Variants in NELL1 observed in about 807,000 individuals in gnomAD.
NELL1 encodes the protein protein kinase C-binding protein NELL1.
NELL1 carries 76 observed loss-of-function variants against 107.4 expected under a neutral mutation model. The observed-to-expected ratio is 0.71, with a 90% CI of 0.59 to 0.86. NELL1 has a LOEUF of 0.86. Ranked by LOEUF, NELL1 falls within the 40% of genes least tolerant of loss-of-function variation. The pLI is 0.00. For missense variants in NELL1, 1,024 were observed against 1,005.5 expected (o/e 1.02, Z -0.25); for synonymous variants, 353 against 341.2 (o/e 1.03, Z -0.38).
rs201849216 is a variant in NELL1, at chr11:21,507,790, T to TTC, written c.1646-26583_1646-26582insCT. Among the ~76,000 whole-genome samples the TTC allele has an allele frequency of 5.3e-3, 797 of 151,170 alleles. 6 individuals are homozygous for TTC. The highest frequency in any genetic ancestry group is 0.018 in the African/African-American group (760 of 41,204). ...CAAAAGTTTTTTCTTTTCTTTTCTT[T>TTC]TTTTTTTTTGAGACGGAGTCTCACT... is the stretch of plus-strand genomic sequence containing the variant. On this transcript the variant is annotated intron_variant, in intron 15 of 19. Transcript: ENST00000357134.
intron 12 of NELL1, among the ~76,000 whole-genome samples, chr11:21,012,765 G>T (rs1443104138): frequency 6.6e-6 from 1 of 152,086 alleles, no homozygotes; most frequent in Non-Finnish European, 1.5e-5. Context: ...TACAGAGTCA[G>T]TTCCTGGGTA....
intron 13 of NELL1, among the ~76,000 whole-genome samples, chr11:21,206,045 A>T (rs537688365): frequency 1.2e-4 from 18 of 152,306 alleles, no homozygotes; most frequent in African/African-American, 4.3e-4. Context: ...AAATTATACA[A>T]AAATTTGATT....
Position 21,560,248 on chromosome 11 carries a change from C to G in NELL1, c.1846C>G (p.Leu616Val), listed in dbSNP as rs750429244. The change falls in exon 17 of 20, where the codon CTG (leucine) becomes GTG (valine). Residue 616 changes from leucine to valine, a missense_variant. By Grantham distance (32) the Leu-to-Val change is conservative (BLOSUM62 1). Transcript: ENST00000357134. ...TCWNDSACIN[L>V]AGGFDCLCPS... ...TTGGAACGATTCTGCCTGCATCAAC[C>G]TGGCAGGGGGCTTTGACTGTCTCTG... The G allele has an allele frequency of 2.5e-6, 4 of 1,613,578 alleles. No individual in the cohort carries two copies. The African/African-American group carries it at 4.0e-5, about 16-fold the overall frequency.
At chr11:21,545,171 A>G (rs568383780) in intron 16 of NELL1, among the ~76,000 whole-genome samples, 29 of 152,072 alleles carry the variant, frequency 1.9e-4, no homozygotes, top group African/African-American at 6.3e-4. Flanking sequence ...TTTTACACAG[A>G]TATTTTGTCT....
chr11:21,450,962 G>C (rs1477203378), intron 15 of NELL1, among the ~76,000 whole-genome samples: 1 of 151,942 alleles, frequency 6.6e-6, no homozygotes, highest in East Asian at 1.9e-4. Context: ...AGGCCGAGGC[G>C]GGCGGATCAT....
At chr11:21,086,111 G>A (rs534569163) in intron 12 of NELL1, among the ~76,000 whole-genome samples, 7 of 152,294 alleles carry the variant, frequency 4.6e-5, no homozygotes, top group Non-Finnish European at 7.4e-5. Context: ...TAAATTCCAC[G>A]TATGACAGGT....
intron 12 of NELL1, among the ~76,000 whole-genome samples, chr11:20,970,089 ATCCATCCG>A (rs1458357743): frequency 6.7e-6 from 1 of 149,302 alleles, no homozygotes; most frequent in Non-Finnish European, 1.5e-5. Context: ...CCATCCATCC[ATCCATCCG>A]TACTCTGAAC....
At chr11:21,299,250 A>T (rs1849440021) in intron 14 of NELL1, among the ~76,000 whole-genome samples, 1 of 151,978 alleles carries the variant, frequency 6.6e-6, no homozygotes, top group South Asian at 2.1e-4. Flanking sequence ...CAGCATTTTC[A>T]GTCCTGTTCA....
intron 15 of NELL1, among the ~76,000 whole-genome samples, chr11:21,376,691 G>GT (rs1564865258): frequency 6.6e-6 from 1 of 151,996 alleles, no homozygotes; most frequent in East Asian, 1.9e-4. Flanking sequence ...AGCATGGAAT[G>GT]TTTTTCCATT....
chr11:20,687,339 G>A (rs538886254), intron 2 of NELL1, among the ~76,000 whole-genome samples: 24 of 151,912 alleles, frequency 1.6e-4, no homozygotes, highest in Admixed American at 1.3e-3. Flanking sequence ...TGCTATTTTT[G>A]TTATTATTTT....
chr11:21,566,213 G>C (rs1297006540), intron 17 of NELL1, among the ~76,000 whole-genome samples: 1 of 151,734 alleles, frequency 6.6e-6, no homozygotes, highest in Non-Finnish European at 1.5e-5. Context: ...CCAACCCAAA[G>C]TTTATATTAC....
intron 2 of NELL1, among the ~76,000 whole-genome samples, chr11:20,762,477 G>A (rs147212038): frequency 4.1e-4 from 62 of 152,254 alleles, no homozygotes; most frequent in African/African-American, 1.0e-3. Flanking sequence ...ATCATAATTA[G>A]GGCATAAAAA....
chr11:21,073,326 G>T (rs1854059742), intron 12 of NELL1, among the ~76,000 whole-genome samples: 1 of 152,072 alleles, frequency 6.6e-6, no homozygotes, highest in Non-Finnish European at 1.5e-5. Flanking sequence ...AGGATGGCTT[G>T]GGTCAGTTTG....
chr11:21,470,071 C>T (rs1446813898), intron 15 of NELL1, among the ~76,000 whole-genome samples: 1 of 151,966 alleles, frequency 6.6e-6, no homozygotes, highest in Non-Finnish European at 1.5e-5. Flanking sequence ...ATGCCAGGTA[C>T]TTATATATGT....
chr11:20,951,584 T>C (rs1851069119), intron 11 of NELL1, among the ~76,000 whole-genome samples: 1 of 152,178 alleles, frequency 6.6e-6, no homozygotes, highest in Non-Finnish European at 1.5e-5. Context: ...CCTTGTCTTT[T>C]AGGGAAAAAT....
At chr11:20,904,458 A>G (rs950862792) in intron 5 of NELL1, among the ~76,000 whole-genome samples, 1 of 152,134 alleles carries the variant, frequency 6.6e-6, no homozygotes, top group Non-Finnish European at 1.5e-5. Context: ...AACAAACACC[A>G]TGTGTCTGCC....
chr11:20,966,222 C>G (rs1307282468), intron 12 of NELL1, among the ~76,000 whole-genome samples: 3 of 152,124 alleles, frequency 2.0e-5, no homozygotes, highest in Non-Finnish European at 4.4e-5. Flanking sequence ...GTGCCAGCAT[C>G]TGGTGAGGGC....
intron 15 of NELL1, among the ~76,000 whole-genome samples, chr11:21,471,448 A>AT (rs1197344700): frequency 3.3e-5 from 5 of 152,058 alleles, no homozygotes; most frequent in African/African-American, 1.2e-4. Context: ...TGAACTGGAA[A>AT]TTTTTGTAAA....
intron 13 of NELL1, among the ~76,000 whole-genome samples, chr11:21,166,639 C>A (rs554383967): frequency 6.6e-6 from 1 of 151,630 alleles, no homozygotes; most frequent in Non-Finnish European, 1.5e-5. Flanking sequence ...GACTTAGAAG[C>A]GCACAAAAAA....
Sources: gnomAD v4.1 joint callset for allele counts (sites outside exome capture counted in the v4.1 genomes callset) on GRCh38, gnomAD v4.1.1 for gene constraint, MANE v1.5 for transcripts, NCBI Gene and HGNC (gene_info 2026-07-23, HGNC 2026-07-21) for gene names.